Variants in MSI2 observed in about 807,000 individuals in gnomAD.
MSI2 encodes the protein musashi RNA binding protein 2, also known as RNA-binding protein Musashi homolog 2.
In MSI2, 17 loss-of-function variants were observed where a neutral mutation model predicts 45.6. The ratio of observed to expected loss-of-function variants is 0.37; its 90% confidence interval spans 0.26 to 0.56. The LOEUF (loss-of-function observed/expected upper bound fraction) is 0.56, where lower values mean the gene tolerates loss of function less well. Among genes scored for constraint, MSI2 ranks in the 20% least tolerant of loss-of-function variants. MSI2 has a pLI of 0.77. For synonymous variants in MSI2, 156 were observed against 158.2 expected, an observed-to-expected ratio of 0.99 and a Z score of 0.11; for missense variants, 293 against 444.2, an observed-to-expected ratio of 0.66 and a Z score of 3.06.
At chr17:57,438,891 C>G (rs2084742884) in intron 6 of MSI2, among the ~76,000 whole-genome samples, 1 of 151,998 alleles carries the variant, frequency 6.6e-6, no homozygotes, top group African/African-American at 2.4e-5. Flanking sequence ...CCCCCGCCTC[C>G]TGGATTCAAG....
At chr17:57,624,640 G>A (rs767548229) in intron 9 of MSI2, among the ~76,000 whole-genome samples, 4 of 152,248 alleles carry the variant, frequency 2.6e-5, no homozygotes, top group Middle Eastern at 3.4e-3. Context: ...ACCAAGCACC[G>A]GGAAATAAGT....
At chr17:57,540,658 A>G (rs2087023881) in intron 7 of MSI2, among the ~76,000 whole-genome samples, 1 of 152,212 alleles carries the variant, frequency 6.6e-6, no homozygotes, top group African/African-American at 2.4e-5. Context: ...ATGACCTCAG[A>G]GGCAGGGACA....
intron 5 of MSI2, among the ~76,000 whole-genome samples, chr17:57,286,281 G>A (rs753167872): frequency 6.6e-6 from 1 of 151,734 alleles, no homozygotes; most frequent in Non-Finnish European, 1.5e-5. Context: ...TGTTTTAGGG[G>A]GAAGCTCTGA....
At chr17:57,545,880 G>A (rs1219925378) in intron 7 of MSI2, among the ~76,000 whole-genome samples, 1 of 151,988 alleles carries the variant, frequency 6.6e-6, no homozygotes, top group African/African-American at 2.4e-5. Context: ...GGCTTATCTG[G>A]CGCAGGCATT....
At chr17:57,634,506 G>C (rs938716650) in intron 10 of MSI2, among the ~76,000 whole-genome samples, 5 of 152,014 alleles carry the variant, frequency 3.3e-5, no homozygotes, top group Admixed American at 3.3e-4. Flanking sequence ...ATGCTGTAAG[G>C]GTGCAAGGGT....
intron 6 of MSI2, among the ~76,000 whole-genome samples, chr17:57,461,902 C>G (rs1440592043): frequency 1.3e-5 from 2 of 152,180 alleles, no homozygotes; most frequent in Non-Finnish European, 2.9e-5. Flanking sequence ...ACCCCATTTC[C>G]TTCCTCTTGT....
At chr17:57,285,118 C>G (rs959696408) in intron 5 of MSI2, among the ~76,000 whole-genome samples, 2 of 152,044 alleles carry the variant, frequency 1.3e-5, no homozygotes, top group Non-Finnish European at 2.9e-5. Flanking sequence ...CATCCTTCCC[C>G]TTAGATAAGG....
At position 57,432,188 on chromosome 17, in the gene MSI2, C is replaced by G. The variant is rs548816143; in HGVS notation, c.405+30717C>G. 3.3e-5 allele frequency among the ~76,000 whole-genome samples: 5 copies of G among 152,104 alleles called. No homozygotes were observed. In the East Asian group the frequency reaches 7.7e-4, roughly 23 times the overall value. ...ATGTGGCTCTGGTGGATGAGAATCACGGAATTTCGGCTTTGGAAGGGATTT... is the reference window on the plus strand; with the variant it reads ...ATGTGGCTCTGGTGGATGAGAATCAGGGAATTTCGGCTTTGGAAGGGATTT... On this transcript the variant is annotated intron_variant, in intron 6 of 13. Transcript: ENST00000284073.
chr17:57,257,442 ATCTCTCTCTT>A lies in MSI2; in HGVS notation c.104-14_104-5del, dbSNP rs760064692. 837 of 1,045,300 alleles carry A rather than the reference ATCTCTCTCTT, an allele frequency of 8.0e-4. 3 individuals are homozygous for A. In the African/African-American group the frequency reaches 0.014, roughly 17 times the overall value. 64.8% of individuals were successfully genotyped at this position (1,045,300 alleles called of 1,614,324 possible). A position where few individuals can be genotyped will look rare whatever the true frequency, so the allele number is the denominator to read the frequency against. On this transcript the variant is annotated splice_polypyrimidine_tract_variant and intron_variant, in intron 2 of 13. Coordinates refer to ENST00000284073, the MANE Select transcript of MSI2 (RefSeq NM_138962.4). Reference sequence around the variant, plus strand: ...TTTCCACACCTTCTCTCCCCCCCCCATCTCTCTCTTTCTCTCTCTACAGATAGCCTTAGAG... The same window carrying A: ...TTTCCACACCTTCTCTCCCCCCCCCATCTCTCTCTACAGATAGCCTTAGAG...
chr17:57,456,893 G>C (rs1481702773), intron 6 of MSI2, among the ~76,000 whole-genome samples: 1 of 152,174 alleles, frequency 6.6e-6, no homozygotes, highest in Non-Finnish European at 1.5e-5. Flanking sequence ...TCTTTGAGTT[G>C]GGAGCAAGGC....
intron 7 of MSI2, among the ~76,000 whole-genome samples, chr17:57,557,402 C>A (rs1017125954): frequency 9.2e-5 from 14 of 152,242 alleles, no homozygotes; most frequent in Admixed American, 3.9e-4. Context: ...CAGGGTCTGC[C>A]CCAGGGGCCA....
chr17:57,272,926 T>G (rs775031464), intron 5 of MSI2, among the ~76,000 whole-genome samples: 1 of 152,202 alleles, frequency 6.6e-6, no homozygotes, highest in Non-Finnish European at 1.5e-5. Context: ...TTTAAATCCC[T>G]TTCAACTCAG....
At chr17:57,473,674 A>G (rs2085483112) in intron 6 of MSI2, among the ~76,000 whole-genome samples, 1 of 152,178 alleles carries the variant, frequency 6.6e-6, no homozygotes, top group South Asian at 2.1e-4. Flanking sequence ...CTCACCACTG[A>G]AGTGCAGGAG....
At chr17:57,632,141 C>T in intron 10 of MSI2, 3 of 1,212,700 alleles carry the variant, frequency 2.5e-6, no homozygotes, top group Non-Finnish European at 3.1e-6. Flanking sequence ...AGAGCCTCCT[C>T]AGGGGAAGCT....
chr17:57,675,188 G>A (rs2144751948), intron 12 of MSI2, 62 bp downstream of exon 12: 5 of 1,525,352 alleles, frequency 3.3e-6, no homozygotes, highest in Non-Finnish European at 4.5e-6. Context: ...CTTGTGGCCT[G>A]TGGGTGTGCC....
intron 11 of MSI2, among the ~76,000 whole-genome samples, chr17:57,663,263 G>A (rs1253845179): frequency 6.6e-6 from 1 of 152,204 alleles, no homozygotes. Flanking sequence ...GCAACCGCGA[G>A]CAGGGCCTCA....
chr17:57,309,461 GCCACTTGTTATATA>G (rs1912185650), intron 5 of MSI2, among the ~76,000 whole-genome samples: 1 of 152,222 alleles, frequency 6.6e-6, no homozygotes, highest in South Asian at 2.1e-4. Context: ...TCGTCTGTTG[GCCACTTGTTATATA>G]TCCCTACCAT....
downstream of MSI2, among the ~76,000 whole-genome samples, chr17:57,686,777 A>C (rs1395661128): frequency 6.6e-6 from 1 of 152,020 alleles, no homozygotes; most frequent in Non-Finnish European, 1.5e-5. Context: ...AGAAATGCAG[A>C]GAACTTGATA....
At chr17:57,334,380 G>T (rs1400082872) in intron 5 of MSI2, among the ~76,000 whole-genome samples, 1 of 152,166 alleles carries the variant, frequency 6.6e-6, no homozygotes, top group East Asian at 1.9e-4. Context: ...CCCTTGGAGA[G>T]CTGTCTGAGG....
Sources: gnomAD v4.1 joint callset for allele counts (sites outside exome capture counted in the v4.1 genomes callset) on GRCh38, gnomAD v4.1.1 for gene constraint, MANE v1.5 for transcripts, NCBI Gene and HGNC (gene_info 2026-07-23, HGNC 2026-07-21) for gene names.